The following IGSF10 variants were observed in gnomAD, a reference collection of about 807,000 sequenced individuals.
IGSF10 encodes calvaria mechanical force protein 608.
In IGSF10, 126 loss-of-function variants were observed where a neutral mutation model predicts 128.2. That is an observed-to-expected ratio of 0.98 (90% CI 0.85 to 1.14). The LOEUF is 1.14. Among genes scored for constraint, IGSF10 ranks in the 50% most tolerant of loss-of-function variants. The pLI is 0.00. For synonymous variants in IGSF10, 1,185 were observed against 1,146.2 expected (o/e 1.03, Z -0.68); for missense variants, 3,295 against 3,149.8 (o/e 1.05, Z -1.10).
At chr3:151,560,705 C>CG in the IGSF10 span, among the ~76,000 whole-genome samples, 1 of 151,492 alleles carries the variant, frequency 6.6e-6, no homozygotes, top group Non-Finnish European at 1.5e-5. Context: ...TGCCATAGCC[C>CG]CCCCCTCCGT....
At chr3:151,607,328 T>G in the IGSF10 span, among the ~76,000 whole-genome samples, 221 of 152,278 alleles carry the variant, frequency 1.5e-3, 2 homozygotes, top group African/African-American at 4.9e-3. Context: ...AAATTTATTC[T>G]TTGCTAAACC....
chr3:151,607,535 A>G, the IGSF10 span, among the ~76,000 whole-genome samples: 3 of 152,196 alleles, frequency 2.0e-5, no homozygotes, highest in African/African-American at 7.2e-5. Flanking sequence ...TTTAGGTAAA[A>G]TTGGGAATCA....
the IGSF10 span, among the ~76,000 whole-genome samples, chr3:151,475,010 G>A: frequency 6.6e-6 from 1 of 152,152 alleles, no homozygotes; most frequent in Non-Finnish European, 1.5e-5. Context: ...AACCATATCA[G>A]AACTCTTATT....
At chr3:151,579,447 G>C in the IGSF10 span, among the ~76,000 whole-genome samples, 1 of 152,112 alleles carries the variant, frequency 6.6e-6, no homozygotes. Flanking sequence ...AAAGATTCTA[G>C]TGTAAAAGGT....
the IGSF10 span, among the ~76,000 whole-genome samples, chr3:151,556,714 G>A: frequency 6.6e-6 from 1 of 152,090 alleles, no homozygotes; most frequent in African/African-American, 2.4e-5. Context: ...TGAGAGGATG[G>A]TAGGGGAAAT....
rs1202615630 is a variant in IGSF10 at position 151,443,843 on chromosome 3, C to A, written c.5104G>T (p.Val1702Phe). ...SKRKQNSRVQ[V>F]LPNGTLSIQR... Reference sequence around the variant, plus strand: ...ATGGACAGGGTACCATTGGGGAGAACCTGGACCCTGCTATTCTGTTTCCTC... The same window carrying A: ...ATGGACAGGGTACCATTGGGGAGAAACTGGACCCTGCTATTCTGTTTCCTC... The change falls in exon 7 of 8, where the codon GTT (valine) becomes TTT (phenylalanine). Residue 1702 changes from valine (V) to phenylalanine (F), a missense_variant. Val to Phe is a conservative substitution (Grantham distance 50). Transcript: ENST00000282466. 11 of 1,613,282 alleles carry A rather than the reference C, an allele frequency of 6.8e-6. No homozygotes were observed. The highest frequency in any genetic ancestry group is 2.7e-5 in the African/African-American group (2 of 74,894).
chr3:151,524,173 T>C, the IGSF10 span, among the ~76,000 whole-genome samples: 1 of 152,126 alleles, frequency 6.6e-6, no homozygotes, highest in African/African-American at 2.4e-5. Flanking sequence ...ACTTACACAC[T>C]GTGGGTGAGA....
the IGSF10 span, among the ~76,000 whole-genome samples, chr3:151,516,702 T>C: frequency 1.3e-5 from 2 of 151,570 alleles, no homozygotes; most frequent in Non-Finnish European, 2.9e-5. Context: ...ACCTACATCA[T>C]ATGGGTTCAA....
chr3:151,463,528 T>TTTTTTTTTG (rs1722147144), upstream of IGSF10, among the ~76,000 whole-genome samples: 4 of 56,728 alleles, frequency 7.1e-5, no homozygotes, highest in Non-Finnish European at 9.6e-5. Context: ...TTCTGGTTTT[T>TTTTTTTTTG]TTTTTTTTTT....
At position 151,436,575 on chromosome 3, in the gene IGSF10, AAATTT is replaced by A. The variant is rs1720249707; in HGVS notation, c.*109_*113del. ...TCCTTTTATTTTGCATGTTCATTGT[AAATTT>A]AATACTGTAAATGTATTCAAATTCA... On this transcript the variant is annotated 3_prime_UTR_variant, in exon 8 of 8. Transcript: ENST00000282466. The A allele has an allele frequency of 1.4e-6, 1 of 693,688 alleles. No individual in the cohort carries two copies. The highest frequency in any genetic ancestry group is 2.1e-5 in the South Asian group (1 of 47,468). 43.0% of individuals were successfully genotyped at this position (693,688 alleles called of 1,614,324 possible). A position where few individuals can be genotyped will look rare whatever the true frequency, so the allele number is the denominator to read the frequency against.
the IGSF10 span, among the ~76,000 whole-genome samples, chr3:151,520,522 C>G: frequency 6.6e-6 from 1 of 151,844 alleles, no homozygotes; most frequent in Non-Finnish European, 1.5e-5. Context: ...ATGAGACTAA[C>G]AGTAGACCTC....
the IGSF10 span, among the ~76,000 whole-genome samples, chr3:151,485,107 A>G: frequency 6.6e-6 from 1 of 152,218 alleles, no homozygotes; most frequent in Non-Finnish European, 1.5e-5. Flanking sequence ...AAAAACATAA[A>G]TGACCTGATG....
chr3:151,542,988 C>T, the IGSF10 span, among the ~76,000 whole-genome samples: 31 of 151,942 alleles, frequency 2.0e-4, no homozygotes, highest in African/African-American at 7.2e-4. Context: ...TTCTAGACAT[C>T]GTCTATTGAT....
the IGSF10 span, among the ~76,000 whole-genome samples, chr3:151,595,253 C>A: frequency 3.3e-5 from 5 of 151,936 alleles, no homozygotes; most frequent in African/African-American, 1.2e-4. Flanking sequence ...ACCCAGTAAT[C>A]CCCCTCTTCT....
intron 2 of IGSF10, among the ~76,000 whole-genome samples, chr3:151,459,006 CTG>C (rs1462519481): frequency 6.6e-6 from 1 of 152,162 alleles, no homozygotes; most frequent in Non-Finnish European, 1.5e-5. Flanking sequence ...AAAAGGGAAA[CTG>C]GAAACCATAA....
chr3:151,449,600 C>G (rs1309547661), intron 5 of IGSF10, among the ~76,000 whole-genome samples: 2 of 152,136 alleles, frequency 1.3e-5, no homozygotes, highest in Non-Finnish European at 2.9e-5. Flanking sequence ...ATGATATGCT[C>G]ATGTTTGTCA....
At chr3:151,487,050 G>GT in the IGSF10 span, among the ~76,000 whole-genome samples, 42 of 151,694 alleles carry the variant, frequency 2.8e-4, no homozygotes, top group African/African-American at 4.8e-4. Context: ...TCCAAGACCT[G>GT]TTTTTTTTAA....
rs1720465290 is a variant in IGSF10 at position 151,437,614 on chromosome 3, CG to C, written c.6946del (p.Arg2316GlufsTer10). 1.2e-6 allele frequency: 2 copies of C among 1,614,190 alleles called. No individual in the cohort carries two copies. The highest frequency in any genetic ancestry group is 1.7e-6 in the Non-Finnish European group (2 of 1,180,030). ...SDSADFICVA[R>X]NEGGESVLVV... Reference sequence around the variant, plus strand: ...CAACACGCTCTCTCCACCTTCATTTCGGGCCACACAGATAAAGTCGGCTGAA... The same window carrying C: ...CAACACGCTCTCTCCACCTTCATTTCGGCCACACAGATAAAGTCGGCTGAA... On this transcript the variant is annotated frameshift_variant, in exon 8 of 8. Transcript: ENST00000282466. LOFTEE classifies it low-confidence loss of function (END_TRUNC).
In IGSF10 at chr3:151,448,798, T is replaced by G. The variant is rs1489668151; in HGVS notation, c.1183A>C (p.Ser395Arg). The change falls in exon 6 of 8, where the codon AGT (serine) becomes CGT (arginine). Residue 395 changes from serine (S) to arginine (R), a missense_variant. Physicochemically the swap from Ser to Arg is moderately radical, Grantham distance 110. Coordinates refer to ENST00000282466, the MANE Select transcript of IGSF10 (RefSeq NM_178822.5). ...PLILERSHLLSETPQLYYKYK... is the reference protein window; with the variant it reads ...PLILERSHLLRETPQLYYKYK... ...TTGTAATAGAGCTGCGGTGTTTCAC[T>G]AAGCAAGTGGCTCCTTTCTAGTATC... is the stretch of plus-strand genomic sequence containing the variant. The G allele has an allele frequency of 4.3e-6, 7 of 1,613,440 alleles. No individual in the cohort carries two copies. Among genetic ancestry groups the G allele is most frequent in the Non-Finnish European group, 4.2e-6 (5 of 1,179,472 alleles).
Sources: gnomAD v4.1 joint callset for allele counts (sites outside exome capture counted in the v4.1 genomes callset) on GRCh38, gnomAD v4.1.1 for gene constraint, MANE v1.5 for transcripts, NCBI Gene and HGNC (gene_info 2026-07-23, HGNC 2026-07-21) for gene names.